ADGRL3: variants seen among roughly 807,000 people sequenced by gnomAD.
The protein encoded by ADGRL3 is adhesion G protein-coupled receptor L3, also known as calcium-independent alpha-latrotoxin receptor 3.
In ADGRL3, 62 loss-of-function variants were observed where a neutral mutation model predicts 153.5. The observed-to-expected ratio is 0.40, with a 90% CI of 0.33 to 0.50. ADGRL3 has a LOEUF of 0.50. Among genes scored for constraint, ADGRL3 ranks in the 20% least tolerant of loss-of-function variants. The pLI is 0.47. For missense variants in ADGRL3, 1,641 were observed against 1,859.4 expected (o/e 0.88, Z 2.16); for synonymous variants, 710 against 672.5 (o/e 1.06, Z -0.86).
chr4:61,634,731 A>G (rs973315914), intron 5 of ADGRL3, among the ~76,000 whole-genome samples: 1 of 152,232 alleles, frequency 6.6e-6, no homozygotes, highest in Non-Finnish European at 1.5e-5. Context: ...TGCCCTTCCC[A>G]GCTTAATGAT....
At chr4:61,313,170 T>C (rs1048491835) in intron 1 of ADGRL3, among the ~76,000 whole-genome samples, 4 of 152,216 alleles carry the variant, frequency 2.6e-5, no homozygotes, top group Non-Finnish European at 4.4e-5. Flanking sequence ...TGTGTGATTT[T>C]ACAATATGAC....
In ADGRL3 at chr4:62,062,882, C is replaced by A. The variant is rs149891681; in HGVS notation, c.3815-5284C>A. On this transcript the variant is annotated intron_variant, in intron 25 of 26. Transcript: ENST00000683033. ...GTTTTTTATCAGATTTGTAAGATCACCAAATTAGTATGCTTACCATGGTGT... is the reference window on the plus strand; with the variant it reads ...GTTTTTTATCAGATTTGTAAGATCAACAAATTAGTATGCTTACCATGGTGT... 4.4e-3 allele frequency among the ~76,000 whole-genome samples: 666 copies of A among 152,014 alleles called. 3 individuals carry two copies. The highest frequency in any genetic ancestry group is 0.015 in the African/African-American group (623 of 41,498).
At chr4:61,916,243 A>G (rs899941377) in intron 13 of ADGRL3, among the ~76,000 whole-genome samples, 3 of 152,198 alleles carry the variant, frequency 2.0e-5, no homozygotes, top group African/African-American at 4.8e-5. Context: ...CAACAAAAAA[A>G]ATTAAGTTTA....
intron 5 of ADGRL3, among the ~76,000 whole-genome samples, chr4:61,624,057 A>G (rs1482069635): frequency 6.6e-6 from 1 of 152,216 alleles, no homozygotes; most frequent in Non-Finnish European, 1.5e-5. Flanking sequence ...GTTTCAGATC[A>G]TGCAAGGTCT....
intron 1 of ADGRL3, among the ~76,000 whole-genome samples, chr4:61,298,892 G>T (rs562397290): frequency 6.6e-6 from 1 of 152,184 alleles, no homozygotes; most frequent in African/African-American, 2.4e-5. Flanking sequence ...TAGAGGCTAC[G>T]ATAACTTAAT....
chr4:61,904,969 G>A (rs1001051110), intron 11 of ADGRL3, among the ~76,000 whole-genome samples: 9 of 151,816 alleles, frequency 5.9e-5, no homozygotes, highest in East Asian at 3.9e-4. Context: ...TAACAAAGAC[G>A]GAGAAGGAAA....
intron 5 of ADGRL3, among the ~76,000 whole-genome samples, chr4:61,630,123 T>G (rs2093071321): frequency 6.6e-6 from 1 of 152,150 alleles, no homozygotes; most frequent in Non-Finnish European, 1.5e-5. Flanking sequence ...TTTTCCTGGA[T>G]TTTAGTGTAC....
intron 3 of ADGRL3, among the ~76,000 whole-genome samples, chr4:61,515,719 G>C (rs138815829): frequency 1.4e-3 from 206 of 152,236 alleles, no homozygotes; most frequent in African/African-American, 4.6e-3. Flanking sequence ...ATAAGGTTTG[G>C]CTAATTTTCT....
intron 2 of ADGRL3, among the ~76,000 whole-genome samples, chr4:61,485,450 C>A (rs569727362): frequency 2.0e-5 from 3 of 151,788 alleles, no homozygotes; most frequent in African/African-American, 7.2e-5. Context: ...CTGTTTAAGC[C>A]CCTTTTGAAA....
chr4:61,955,884 G>A (rs554074082), intron 17 of ADGRL3, among the ~76,000 whole-genome samples: 1 of 152,228 alleles, frequency 6.6e-6, no homozygotes, highest in Non-Finnish European at 1.5e-5. Flanking sequence ...TTTTATGGCT[G>A]CATAGTATTT....
intron 13 of ADGRL3, among the ~76,000 whole-genome samples, chr4:61,930,205 T>C (rs1581509656): frequency 6.6e-6 from 1 of 150,656 alleles, no homozygotes; most frequent in Non-Finnish European, 1.5e-5. Flanking sequence ...GCCATGGTGG[T>C]AAAGTTATAC....
At chr4:61,255,914 T>C (rs932534162) in intron 1 of ADGRL3, among the ~76,000 whole-genome samples, 1 of 152,180 alleles carries the variant, frequency 6.6e-6, no homozygotes, top group Non-Finnish European at 1.5e-5. Context: ...TTTTGAAGAA[T>C]TTACTGTTCT....
chr4:61,525,235 T>A (rs1406180037), intron 4 of ADGRL3, among the ~76,000 whole-genome samples: 1 of 152,124 alleles, frequency 6.6e-6, no homozygotes, highest in Non-Finnish European at 1.5e-5. Flanking sequence ...AGTATTTTAA[T>A]TAACTCTTGA....
At chr4:61,481,597 T>C (rs1223797343) in intron 2 of ADGRL3, among the ~76,000 whole-genome samples, 2 of 152,082 alleles carry the variant, frequency 1.3e-5, no homozygotes, top group Admixed American at 6.5e-5. Context: ...GATTGGGATT[T>C]TATATATTAA....
intron 2 of ADGRL3, among the ~76,000 whole-genome samples, chr4:61,456,036 G>A (rs1375205167): frequency 6.6e-6 from 1 of 151,636 alleles, no homozygotes; most frequent in Non-Finnish European, 1.5e-5. Flanking sequence ...GGCTGGTCTC[G>A]AACTCCTAGC....
chr4:61,442,584 A>G (rs1234646825), intron 2 of ADGRL3, among the ~76,000 whole-genome samples: 1 of 152,144 alleles, frequency 6.6e-6, no homozygotes, highest in Non-Finnish European at 1.5e-5. Flanking sequence ...GGAAGAAGGC[A>G]GTTATGAGGA....
At chr4:61,250,941 A>C (rs1459624676) in intron 1 of ADGRL3, among the ~76,000 whole-genome samples, 1 of 152,228 alleles carries the variant, frequency 6.6e-6, no homozygotes, top group Non-Finnish European at 1.5e-5. Flanking sequence ...GGAGCAAGAG[A>C]TCATTAAAAT....
At chr4:61,905,326 C>G (rs2098690126) in intron 11 of ADGRL3, among the ~76,000 whole-genome samples, 1 of 152,148 alleles carries the variant, frequency 6.6e-6, no homozygotes, top group Admixed American at 6.5e-5. Context: ...ACTTGATTTA[C>G]TGTATTATCA....
chr4:62,027,613 C>T (rs1290515958), intron 21 of ADGRL3, among the ~76,000 whole-genome samples: 1 of 151,872 alleles, frequency 6.6e-6, no homozygotes, highest in Non-Finnish European at 1.5e-5. Context: ...AATAAATTTA[C>T]TTACTCAACA....
Sources: allele counts gnomAD v4.1 joint callset (sites outside exome capture counted in the v4.1 genomes callset), GRCh38; gene constraint gnomAD v4.1.1; transcripts MANE v1.5; gene names NCBI Gene and HGNC (gene_info 2026-07-23, HGNC 2026-07-21).